The following ITFG1 variants were observed in gnomAD, a reference collection of about 807,000 sequenced individuals.
ITFG1 encodes the protein T-cell immunomodulatory protein.
ITFG1 carries 34 observed loss-of-function variants against 81.8 expected under a neutral mutation model. That is an observed-to-expected ratio of 0.42 (90% CI 0.32 to 0.55). The LOEUF (loss-of-function observed/expected upper bound fraction) is 0.55, where lower values mean the gene tolerates loss of function less well. Among genes scored for constraint, ITFG1 ranks in the 20% least tolerant of loss-of-function variants. ITFG1 has a pLI of 0.17. For missense variants in ITFG1, 672 were observed against 755.4 expected (o/e 0.89, Z 1.29); for synonymous variants, 285 against 270.6 (o/e 1.05, Z -0.52).
intron 12 of ITFG1, among the ~76,000 whole-genome samples, chr16:47,241,108 C>G (rs1164243526): frequency 6.7e-6 from 1 of 148,876 alleles, no homozygotes; most frequent in South Asian, 2.1e-4. Flanking sequence ...ACATTTTATA[C>G]ACACTAAGAT....
intron 14 of ITFG1, among the ~76,000 whole-genome samples, chr16:47,184,708 A>T (rs1965186006): frequency 6.6e-6 from 1 of 152,170 alleles, no homozygotes; most frequent in Non-Finnish European, 1.5e-5. Context: ...GACTAGGAAG[A>T]AACTGCGTCA....
In ITFG1 at chr16:47,415,131, C is replaced by T. The variant is rs149461498; in HGVS notation, c.655+13673G>A. Among the ~76,000 whole-genome samples the T allele has an allele frequency of 4.8e-3, 738 of 152,274 alleles. 8 individuals are homozygous for T. Among genetic ancestry groups the T allele is most frequent in the African/African-American group, 0.017 (713 of 41,538 alleles). On this transcript the variant is annotated intron_variant, in intron 6 of 17. Coordinates refer to ENST00000320640, the MANE Select transcript of ITFG1 (RefSeq NM_030790.5). ...AACCATAAAAATCTTCATTCTCAGC[C>T]GTCCTCATGATACATATATTCCATT...
At position 47,270,101 on chromosome 16, in the gene ITFG1, T is replaced by C. The variant is rs146466900; in HGVS notation, c.1071-9406A>G. Among the ~76,000 whole-genome samples the C allele has an allele frequency of 8.9e-4, 135 of 152,266 alleles. 1 individual carries two copies. The highest frequency in any genetic ancestry group is 2.8e-3 in the African/African-American group (115 of 41,560). On this transcript the variant is annotated intron_variant, in intron 10 of 17. Transcript: ENST00000320640. Reference sequence around the variant, plus strand: ...GGATATAATGGATCACAGACCTAAATTGTAAAATCCAGACCTCTTCAATTT... The same window carrying C: ...GGATATAATGGATCACAGACCTAAACTGTAAAATCCAGACCTCTTCAATTT...
chr16:47,260,234 GC>G (rs1429453238), intron 11 of ITFG1, among the ~76,000 whole-genome samples: 2 of 152,124 alleles, frequency 1.3e-5, no homozygotes, highest in African/African-American at 4.8e-5. Context: ...ACCGCGCCCG[GC>G]CTGTTGGCTG....
chr16:47,207,161 C>T (rs1387363368), intron 14 of ITFG1, among the ~76,000 whole-genome samples: 1 of 152,186 alleles, frequency 6.6e-6, no homozygotes, highest in Non-Finnish European at 1.5e-5. Context: ...CGGCTCACTG[C>T]AAGCTCTGCC....
intron 16 of ITFG1, among the ~76,000 whole-genome samples, chr16:47,161,081 T>C (rs1295008089): frequency 6.6e-6 from 1 of 152,190 alleles, no homozygotes; most frequent in Non-Finnish European, 1.5e-5. Flanking sequence ...GTGAATACTT[T>C]TATCGCCTAA....
chr16:47,183,189 A>C (rs1056673115), intron 14 of ITFG1, among the ~76,000 whole-genome samples: 4 of 152,234 alleles, frequency 2.6e-5, no homozygotes, highest in African/African-American at 9.6e-5. Flanking sequence ...GCAAGGCGGC[A>C]GCGAGGCTGG....
chr16:47,215,764 G>A (rs1016740619), intron 14 of ITFG1, among the ~76,000 whole-genome samples: 1 of 151,942 alleles, frequency 6.6e-6, no homozygotes, highest in African/African-American at 2.4e-5. Flanking sequence ...TTTGCAGTCT[G>A]GAGAATATTA....
chr16:47,351,866 G>T (rs572521292), intron 8 of ITFG1, among the ~76,000 whole-genome samples: 5 of 152,196 alleles, frequency 3.3e-5, no homozygotes, highest in African/African-American at 9.6e-5. Context: ...AACAGAGATA[G>T]AGACCAATGG....
Position 47,273,497 on chromosome 16 carries a change from T to C in ITFG1, c.1071-12802A>G, listed in dbSNP as rs182897587. ...AACATATGCTACTGACAACAAGAAA[T>C]AGTCAAAGGCAATTAATTGATATTC... is the stretch of plus-strand genomic sequence containing the variant. On this transcript the variant is annotated intron_variant, in intron 10 of 17. Coordinates refer to ENST00000320640, the MANE Select transcript of ITFG1 (RefSeq NM_030790.5). Among the ~76,000 whole-genome samples, 8 of 152,296 alleles carry C rather than the reference T, an allele frequency of 5.3e-5. No individual in the cohort carries two copies. The East Asian group carries it at 7.7e-4, about 15-fold the overall frequency.
intron 14 of ITFG1, among the ~76,000 whole-genome samples, chr16:47,217,006 A>T (rs942576256): frequency 6.6e-6 from 1 of 152,192 alleles, no homozygotes; most frequent in Non-Finnish European, 1.5e-5. Context: ...TTACTGTTGT[A>T]TTGTTGTATT....
chr16:47,307,117 A>AAAAAAAAAAC (rs1967179927), intron 10 of ITFG1, among the ~76,000 whole-genome samples: 2 of 148,438 alleles, frequency 1.3e-5, no homozygotes, highest in African/African-American at 5.0e-5. Context: ...AAAAAAAAAA[A>AAAAAAAAAAC]AAAAAACGGA....
intron 14 of ITFG1, among the ~76,000 whole-genome samples, chr16:47,181,352 G>T (rs573351191): frequency 1.3e-5 from 2 of 149,266 alleles, no homozygotes; most frequent in Non-Finnish European, 1.5e-5. Context: ...GGAGGGAGGT[G>T]GGGGGGTCAG....
At chr16:47,350,973 C>G (rs1329528780) in intron 8 of ITFG1, among the ~76,000 whole-genome samples, 1 of 151,952 alleles carries the variant, frequency 6.6e-6, no homozygotes, top group East Asian at 1.9e-4. Context: ...CACGTCATTT[C>G]AATAGATGCA....
At chr16:47,163,604 T>G (rs1262741173) in intron 14 of ITFG1, among the ~76,000 whole-genome samples, 5 of 152,236 alleles carry the variant, frequency 3.3e-5, no homozygotes, top group African/African-American at 1.2e-4. Context: ...CTGTGAACAT[T>G]CATATACAGG....
At chr16:47,262,072 AT>A (rs1966215153) in intron 10 of ITFG1, among the ~76,000 whole-genome samples, 1 of 152,242 alleles carries the variant, frequency 6.6e-6, no homozygotes, top group Non-Finnish European at 1.5e-5. Context: ...AGAAAGCAAA[AT>A]TTCTAAGCGT....
chr16:47,363,056 C>G (rs1438171264), intron 8 of ITFG1, among the ~76,000 whole-genome samples: 2 of 152,052 alleles, frequency 1.3e-5, no homozygotes, highest in Non-Finnish European at 2.9e-5. Context: ...GCCACCACGT[C>G]CAGCTAATTT....
At chr16:47,343,151 C>T (rs1209778893) in intron 8 of ITFG1, among the ~76,000 whole-genome samples, 1 of 152,044 alleles carries the variant, frequency 6.6e-6, no homozygotes, top group Non-Finnish European at 1.5e-5. Flanking sequence ...CAGACATAGA[C>T]CAATGGAATA....
At chr16:47,359,217 C>T (rs575878558) in intron 8 of ITFG1, among the ~76,000 whole-genome samples, 1 of 152,308 alleles carries the variant, frequency 6.6e-6, no homozygotes, top group East Asian at 1.9e-4. Context: ...TATCTGTCTT[C>T]TAAATGGCAG....
Sources: gnomAD v4.1 joint callset for allele counts (sites outside exome capture counted in the v4.1 genomes callset) on GRCh38, gnomAD v4.1.1 for gene constraint, MANE v1.5 for transcripts, NCBI Gene and HGNC (gene_info 2026-07-23, HGNC 2026-07-21) for gene names.